Variants in COL22A1 observed in about 807,000 individuals in gnomAD.
The protein encoded by COL22A1 is collagen type XXII alpha 1 chain, also known as collagen alpha-1(XXII) chain.
A neutral mutation model predicts 248.9 loss-of-function variants in COL22A1; 221 were observed. The ratio of observed to expected loss-of-function variants is 0.89; its 90% confidence interval spans 0.80 to 0.99. The LOEUF (loss-of-function observed/expected upper bound fraction) is 0.99. Ranked by LOEUF, COL22A1 falls within the 50% of genes least tolerant of loss-of-function variation. COL22A1 has a pLI of 0.00. For missense variants in COL22A1, 2,240 were observed against 2,179.0 expected, an observed-to-expected ratio of 1.03 and a Z score of -0.56; for synonymous variants, 891 against 793.4, an observed-to-expected ratio of 1.12 and a Z score of -2.07.
At chr8:138,648,288 C>A (rs1381317351) in intron 46 of COL22A1, among the ~76,000 whole-genome samples, 1 of 152,116 alleles carries the variant, frequency 6.6e-6, no homozygotes, top group African/African-American at 2.4e-5. Context: ...GGCATGCCCA[C>A]GGGGTCTATG....
intron 50 of COL22A1, among the ~76,000 whole-genome samples, chr8:138,629,527 C>A (rs1358157513): frequency 6.6e-6 from 1 of 152,060 alleles, no homozygotes; most frequent in Non-Finnish European, 1.5e-5. Flanking sequence ...AGATGAGGAT[C>A]CTAAACCAGA....
chr8:138,901,464 T>C (rs1342274078), intron 1 of COL22A1, among the ~76,000 whole-genome samples: 2 of 147,064 alleles, frequency 1.4e-5, no homozygotes, highest in African/African-American at 5.0e-5. Context: ...CCTCCCAGGC[T>C]CTGGTGATCC....
At chr8:138,753,217 C>T (rs151055162) in intron 21 of COL22A1, among the ~76,000 whole-genome samples, 86 of 152,304 alleles carry the variant, frequency 5.6e-4, no homozygotes, top group African/African-American at 1.9e-3. Flanking sequence ...GAACACCTGC[C>T]GCAGGGCTAG....
intron 47 of COL22A1, among the ~76,000 whole-genome samples, chr8:138,638,237 TA>T (rs1289265717): frequency 6.6e-6 from 1 of 152,244 alleles, no homozygotes; most frequent in Non-Finnish European, 1.5e-5. Flanking sequence ...AAAATGTTTT[TA>T]AAACAAAAAC....
At chr8:138,677,385 G>A (rs1825642720) in intron 40 of COL22A1, among the ~76,000 whole-genome samples, 1 of 152,234 alleles carries the variant, frequency 6.6e-6, no homozygotes, top group Non-Finnish European at 1.5e-5. Flanking sequence ...GCTAGGAGTT[G>A]TGTTTGCTTC....
chr8:138,652,520 T>C (rs1822832682), intron 45 of COL22A1, among the ~76,000 whole-genome samples: 1 of 152,164 alleles, frequency 6.6e-6, no homozygotes, highest in Non-Finnish European at 1.5e-5. Flanking sequence ...TTCTGAGTTA[T>C]CTCAGGCAAG....
intron 2 of COL22A1, among the ~76,000 whole-genome samples, chr8:138,881,194 T>C (rs1277716421): frequency 6.6e-6 from 1 of 151,450 alleles, no homozygotes; most frequent in African/African-American, 2.4e-5. Flanking sequence ...GGCTGTGCAT[T>C]TGGGGTTGGC....
chr8:138,683,114 C>G (rs1274639834), intron 39 of COL22A1, among the ~76,000 whole-genome samples: 1 of 152,202 alleles, frequency 6.6e-6, no homozygotes, highest in Non-Finnish European at 1.5e-5. Context: ...GCTACCCTCT[C>G]TCCTAGCACT....
At chr8:138,606,496 C>G in intron 57 of COL22A1, 44 bp from the exon 58 acceptor site, 1 of 1,583,170 alleles carries the variant, frequency 6.3e-7, no homozygotes, top group Non-Finnish European at 8.6e-7. Flanking sequence ...GGTCACGTAC[C>G]AACTCAAGCA....
intron 58 of COL22A1, 48 bp downstream of exon 58, chr8:138,606,333 A>G (rs758171356): frequency 1.3e-6 from 2 of 1,518,970 alleles, no homozygotes; most frequent in South Asian, 1.2e-5. Context: ...TGTGAACATC[A>G]CTACCTGGAG....
chr8:138,702,144 G>A (rs773233592), intron 31 of COL22A1, among the ~76,000 whole-genome samples: 14 of 152,142 alleles, frequency 9.2e-5, no homozygotes, highest in Non-Finnish European at 2.1e-4. Context: ...TGATATATTG[G>A]TACTGCCAAG....
At chr8:138,897,641 T>A (rs1255418850) in intron 1 of COL22A1, among the ~76,000 whole-genome samples, 5 of 152,090 alleles carry the variant, frequency 3.3e-5, no homozygotes, top group African/African-American at 1.2e-4. Flanking sequence ...CAAGCTTTGT[T>A]CCCATTGCCT....
At chr8:138,840,875 G>A (rs1044912721) in intron 4 of COL22A1, among the ~76,000 whole-genome samples, 2 of 152,142 alleles carry the variant, frequency 1.3e-5, no homozygotes, top group African/African-American at 4.8e-5. Context: ...GCTTCCCAAA[G>A]CTCTAGTATC....
rs960990807 is a variant in COL22A1 at position 138,649,744 on chromosome 8, C to A, written c.3368G>T (p.Gly1123Val). 3.1e-5 allele frequency: 50 copies of A among 1,606,886 alleles called. No homozygotes were observed. In the Admixed American group the frequency reaches 8.3e-4, roughly 27 times the overall value. The change falls in exon 46 of 65, where the codon GGC (glycine) becomes GTC (valine). Residue 1123 changes from glycine to valine, a missense_variant. Physicochemically the swap from Gly to Val is moderately radical, Grantham distance 109. Transcript: ENST00000303045. ...VCNDCPPGPP[G>V]LPGLPGFKGD... ...TTTAAAACCTGGTAGACCAGGGAGG[C>A]CTGGGGGGCCAGGAGGGCAGTCATT...
chr8:138,685,270 T>A lies in COL22A1; in HGVS notation c.2905A>T (p.Arg969Trp), dbSNP rs149189868. The change falls in exon 38 of 65, where the codon AGG (arginine) becomes TGG (tryptophan). Residue 969 changes from arginine (R) to tryptophan (W), a missense_variant. Transcript: ENST00000303045. ...AGCCCAGGAGCACCAGGATCTCCCC[T>A]GGGACCAACTGGCCCTGGGCTGCCT... Reference protein sequence around the residue: ...EEGSPGPVGPRGDPGAPGLPG... With the variant: ...EEGSPGPVGPWGDPGAPGLPG... 12 of 1,613,972 alleles carry A rather than the reference T, an allele frequency of 7.4e-6. No individual in the cohort carries two copies. The highest frequency in any genetic ancestry group is 1.0e-5 in the Non-Finnish European group (12 of 1,179,928).
intron 3 of COL22A1, among the ~76,000 whole-genome samples, chr8:138,867,734 A>G (rs904942123): frequency 6.6e-6 from 1 of 152,072 alleles, no homozygotes; most frequent in East Asian, 1.9e-4. Flanking sequence ...TGCTCTAGAG[A>G]GTAGGTAGTA....
intron 3 of COL22A1, among the ~76,000 whole-genome samples, chr8:138,870,029 A>T (rs1823201528): frequency 2.0e-5 from 3 of 151,498 alleles, no homozygotes; most frequent in Admixed American, 6.6e-5. Flanking sequence ...GTGGCACGTG[A>T]GGCCATATGT....
chr8:138,781,252 G>A (rs1409078875), intron 12 of COL22A1, among the ~76,000 whole-genome samples: 3 of 152,200 alleles, frequency 2.0e-5, no homozygotes, highest in Non-Finnish European at 2.9e-5. Context: ...AAGCAGCTCT[G>A]GTCCATAGTC....
intron 22 of COL22A1, among the ~76,000 whole-genome samples, chr8:138,740,773 G>GTCTT (rs1482919705): frequency 6.6e-6 from 1 of 152,160 alleles, no homozygotes; most frequent in Admixed American, 6.5e-5. Context: ...GTCAGAGCAG[G>GTCTT]TCTTTCATGG....
Sources: allele counts gnomAD v4.1 joint callset (sites outside exome capture counted in the v4.1 genomes callset), GRCh38; gene constraint gnomAD v4.1.1; transcripts MANE v1.5; gene names NCBI Gene and HGNC (gene_info 2026-07-23, HGNC 2026-07-21).